Variants in ABHD12 observed in about 807,000 individuals in gnomAD.
ABHD12 encodes the protein lysophosphatidylserine lipase ABHD12.
A neutral mutation model predicts 58.3 loss-of-function variants in ABHD12; 43 were observed. The ratio of observed to expected loss-of-function variants is 0.74; its 90% CI spans 0.58 to 0.95. The LOEUF (loss-of-function observed/expected upper bound fraction) is 0.95. Ranked by LOEUF, ABHD12 falls within the 40% of genes least tolerant of loss-of-function variation. ABHD12 has a pLI of 0.00. For synonymous variants in ABHD12, 219 were observed against 211.2 expected, an observed-to-expected ratio of 1.04 and a Z score of -0.32; for missense variants, 539 against 537.2, an observed-to-expected ratio of 1.00 and a Z score of -0.03.
chr20:25,388,345 G>A (rs942009376), intron 1 of ABHD12, among the ~76,000 whole-genome samples: 2 of 152,318 alleles, frequency 1.3e-5, no homozygotes, highest in African/African-American at 2.4e-5. Context: ...GCCAGGTACT[G>A]GAGATACTTA....
At chr20:25,339,066 C>A in intron 2 of ABHD12, 161 bp downstream of exon 2, 1 of 1,396,244 alleles carries the variant, frequency 7.2e-7, no homozygotes, top group Non-Finnish European at 9.5e-7. Context: ...CTATCTATCT[C>A]TAAAGATATA....
chr20:25,295,661 G>A (rs1130694), downstream of ABHD12: 708,833 of 1,612,714 alleles, frequency 0.44, 162,906 homozygotes, highest in East Asian at 0.92. Context: ...AGGTGGACCA[G>A]CTGTACCGGG....
At chr20:25,373,993 T>C (rs961157484) in intron 1 of ABHD12, among the ~76,000 whole-genome samples, 1 of 152,194 alleles carries the variant, frequency 6.6e-6, no homozygotes, top group Non-Finnish European at 1.5e-5. Context: ...GGCTTGATCA[T>C]GGCTCATGCA....
intron 1 of ABHD12, among the ~76,000 whole-genome samples, chr20:25,360,502 G>A (rs1266101351): frequency 6.6e-6 from 1 of 152,014 alleles, no homozygotes; most frequent in African/African-American, 2.4e-5. Context: ...GCCTCCTAAA[G>A]TGCTGGGATT....
intron 1 of ABHD12, among the ~76,000 whole-genome samples, chr20:25,357,856 C>T (rs1258127616): frequency 6.6e-6 from 1 of 152,002 alleles, no homozygotes; most frequent in Non-Finnish European, 1.5e-5. Flanking sequence ...ACAAACAACA[C>T]AAAAATTAGC....
chr20:25,308,360 G>C (rs886268069), intron 8 of ABHD12, 97 bp downstream of exon 8: 1 of 1,470,584 alleles, frequency 6.8e-7, no homozygotes, highest in African/African-American at 1.4e-5. Context: ...TGCAGCTCAT[G>C]CTGCTCCATG....
intron 2 of ABHD12, among the ~76,000 whole-genome samples, chr20:25,325,203 CAAAAAAAA>C (rs376306392): frequency 2.6e-5 from 2 of 76,452 alleles, no homozygotes; most frequent in South Asian, 5.5e-4. Context: ...GACCCTGTTT[CAAAAAAAA>C]AAAAAAAAAA....
chr20:25,340,141 TGACA>T (rs1471111093), intron 1 of ABHD12, among the ~76,000 whole-genome samples: 4 of 152,234 alleles, frequency 2.6e-5, no homozygotes, highest in African/African-American at 4.8e-5. Context: ...ACTTCTTATT[TGACA>T]GACAGTCATA....
At chr20:25,307,009 A>C (rs910667719) in intron 9 of ABHD12, 94 bp from the exon 10 acceptor site, 1 of 935,528 alleles carries the variant, frequency 1.1e-6, no homozygotes, top group African/African-American at 1.6e-5. Context: ...GAAATCTATA[A>C]GGCGTTGCCC....
chr20:25,327,026 G>A (rs1307259477), intron 2 of ABHD12, among the ~76,000 whole-genome samples: 1 of 152,200 alleles, frequency 6.6e-6, no homozygotes, highest in Non-Finnish European at 1.5e-5. Context: ...GTGTGAGTAT[G>A]CCCAGAATGT....
intron 2 of ABHD12, among the ~76,000 whole-genome samples, chr20:25,325,477 G>A (rs769117993): frequency 6.6e-6 from 1 of 152,198 alleles, no homozygotes; most frequent in Non-Finnish European, 1.5e-5. Context: ...GTCACTGGGT[G>A]GATACTAACC....
chr20:25,342,032 T>C (rs1309850166), intron 1 of ABHD12, among the ~76,000 whole-genome samples: 2 of 145,496 alleles, frequency 1.4e-5, no homozygotes, highest in Non-Finnish European at 3.0e-5. Flanking sequence ...AAGGAAAGCC[T>C]ATGTCCACAG....
downstream of ABHD12, chr20:25,296,389 A>G: frequency 1.9e-6 from 3 of 1,614,112 alleles, no homozygotes; most frequent in Middle Eastern, 4.9e-4. Context: ...GAGTGGACCA[A>G]GAAGGTCATC....
intron 1 of ABHD12, among the ~76,000 whole-genome samples, chr20:25,340,454 C>G (rs575645394): frequency 1.3e-5 from 2 of 152,344 alleles, no homozygotes; most frequent in South Asian, 4.1e-4. Flanking sequence ...TGGAAAACCT[C>G]ACTGCACACC....
intron 2 of ABHD12, among the ~76,000 whole-genome samples, chr20:25,338,523 C>T (rs1395710366): frequency 6.6e-6 from 1 of 152,182 alleles, no homozygotes; most frequent in African/African-American, 2.4e-5. Context: ...TGCCCAGAGC[C>T]TCTGCCTTTG....
intron 1 of ABHD12, among the ~76,000 whole-genome samples, chr20:25,366,775 GACTCC>G (rs1267061754): frequency 3.9e-5 from 6 of 152,064 alleles, no homozygotes; most frequent in African/African-American, 7.3e-5. Flanking sequence ...AATCAACCTT[GACTCC>G]ACTCAACTAT....
chr20:25,385,331 CAAAAAAAAAAA>C (rs11477490), intron 1 of ABHD12, among the ~76,000 whole-genome samples: 8 of 51,726 alleles, frequency 1.5e-4, no homozygotes, highest in African/African-American at 3.0e-4. Flanking sequence ...GAGTGAGACT[CAAAAAAAAAAA>C]AAAAAAAAAA....
intron 1 of ABHD12, among the ~76,000 whole-genome samples, chr20:25,344,864 ACAAAGGAGCAAGGG>A (rs2089497721): frequency 6.6e-6 from 1 of 152,248 alleles, no homozygotes; most frequent in South Asian, 2.1e-4. Context: ...CTCATCTGTG[ACAAAGGAGCAAGGG>A]CAATACAATG....
intron 5 of ABHD12, 70 bp downstream of exon 5, chr20:25,316,978 G>A: frequency 7.3e-7 from 1 of 1,363,008 alleles, no homozygotes; most frequent in Non-Finnish European, 1.0e-6. Flanking sequence ...TGTGAGTCTG[G>A]TGACTCCCTT....
Sources: allele counts gnomAD v4.1 joint callset (sites outside exome capture counted in the v4.1 genomes callset), GRCh38; gene constraint gnomAD v4.1.1; transcripts MANE v1.5; gene names NCBI Gene and HGNC (gene_info 2026-07-23, HGNC 2026-07-21).